The following FOXJ3 variants were observed in gnomAD, a reference collection of about 807,000 sequenced individuals.
The protein encoded by FOXJ3 is forkhead box protein J3.
A neutral mutation model predicts 76.1 loss-of-function variants in FOXJ3; 22 were observed. The ratio of observed to expected loss-of-function variants is 0.29; its 90% CI spans 0.21 to 0.41. The LOEUF (loss-of-function observed/expected upper bound fraction) is 0.41, where lower values mean the gene tolerates loss of function less well. Ranked by LOEUF, FOXJ3 falls within the 10% of genes least tolerant of loss-of-function variation. The probability of loss-of-function intolerance (pLI) is 1.00; values close to 1 mark genes in which losing one functional copy is unlikely to be tolerated. For missense variants in FOXJ3, 613 were observed against 762.1 expected (o/e 0.80, Z 2.30); for synonymous variants, 269 against 261.2 (o/e 1.03, Z -0.29).
intron 4 of FOXJ3, among the ~76,000 whole-genome samples, chr1:42,259,774 T>TA (rs2124609375): frequency 6.6e-6 from 1 of 152,328 alleles, no homozygotes; most frequent in Non-Finnish European, 1.5e-5. Context: ...GTACTTATAT[T>TA]AATTCCCTTA....
chr1:42,227,251 T>C (rs1647648757), intron 5 of FOXJ3, among the ~76,000 whole-genome samples: 1 of 152,236 alleles, frequency 6.6e-6, no homozygotes, highest in African/African-American at 2.4e-5. Flanking sequence ...TATGTGTTTG[T>C]ATGTTTTAGT....
intron 7 of FOXJ3, among the ~76,000 whole-genome samples, chr1:42,198,205 T>C (rs771518531): frequency 1.3e-5 from 2 of 152,214 alleles, no homozygotes. Context: ...TTTTACATAA[T>C]TTTTATTCCA....
chr1:42,188,740 T>C lies in FOXJ3; in HGVS notation c.1642A>G (p.Thr548Ala). ...HPTKPSQHIG[T>A]GNLYIDSRQN... Reference sequence around the variant, plus strand: ...AAGAAGATAACTAACCCCATACCTGTTCCAATGTGTTGGGAAGGTTTTGTT... The same window carrying C: ...AAGAAGATAACTAACCCCATACCTGCTCCAATGTGTTGGGAAGGTTTTGTT... Residue 548 changes from threonine to alanine, a missense_variant, in exon 11 of 13, where the codon ACA becomes GCA. This residue lies in a region of FOXJ3 where 526 missense variants were observed against 601.4 expected (regional missense o/e 0.87). Transcript: ENST00000361346. The C allele has an allele frequency of 3.2e-6, 5 of 1,583,102 alleles. No individual in the cohort carries two copies. The highest frequency in any genetic ancestry group is 4.3e-6 in the Non-Finnish European group (5 of 1,161,902).
chr1:42,196,369 G>A (rs922744754), intron 7 of FOXJ3, among the ~76,000 whole-genome samples: 1 of 152,134 alleles, frequency 6.6e-6, no homozygotes, highest in East Asian at 1.9e-4. Context: ...CTTAGGGACC[G>A]CTCGACCATT....
At chr1:42,203,244 T>C (rs1015585629) in intron 6 of FOXJ3, among the ~76,000 whole-genome samples, 4 of 152,254 alleles carry the variant, frequency 2.6e-5, no homozygotes, top group Non-Finnish European at 4.4e-5. Context: ...GTTATAGTTA[T>C]TTTGCAATCA....
intron 7 of FOXJ3, among the ~76,000 whole-genome samples, 200 bp from the exon 8 acceptor site, chr1:42,195,264 A>C (rs1325161438): frequency 6.6e-6 from 1 of 152,238 alleles, no homozygotes; most frequent in Non-Finnish European, 1.5e-5. Flanking sequence ...GAACTGTAGA[A>C]GTCTAACCCA....
chr1:42,209,511 C>G (rs1355691187), intron 5 of FOXJ3, among the ~76,000 whole-genome samples: 1 of 152,178 alleles, frequency 6.6e-6, no homozygotes, highest in Non-Finnish European at 1.5e-5. Flanking sequence ...GTCTCTAGAG[C>G]TTGAGTGGGA....
chr1:42,289,587 A>G (rs1653286309), intron 2 of FOXJ3, among the ~76,000 whole-genome samples: 1 of 152,222 alleles, frequency 6.6e-6, no homozygotes, highest in Non-Finnish European at 1.5e-5. Flanking sequence ...TGGATTTAAA[A>G]AGACAAAAAT....
At chr1:42,294,896 T>C (rs191396827) in intron 2 of FOXJ3, among the ~76,000 whole-genome samples, 3 of 152,080 alleles carry the variant, frequency 2.0e-5, no homozygotes, top group Admixed American at 1.3e-4. Flanking sequence ...GTAAGTACAA[T>C]GCCTAGGTTT....
upstream of FOXJ3, chr1:42,335,337 G>C (rs1445207479): frequency 1.3e-5 from 2 of 152,144 alleles, no homozygotes; most frequent in African/African-American, 2.4e-5. Flanking sequence ...GCGCGGTCAC[G>C]GTCGCTTCGA....
intron 3 of FOXJ3, among the ~76,000 whole-genome samples, chr1:42,269,743 C>T (rs1651734640): frequency 6.6e-6 from 1 of 152,130 alleles, no homozygotes; most frequent in South Asian, 2.1e-4. Context: ...TAAAAAACAT[C>T]CTTAACTCCT....
chr1:42,326,926 C>T (rs894081455), intron 1 of FOXJ3, among the ~76,000 whole-genome samples: 2 of 152,194 alleles, frequency 1.3e-5, no homozygotes, highest in South Asian at 2.1e-4. Flanking sequence ...GTTCCAGCAT[C>T]TGTTCCACCA....
intron 3 of FOXJ3, among the ~76,000 whole-genome samples, chr1:42,266,888 T>C (rs778507598): frequency 6.6e-6 from 1 of 152,068 alleles, no homozygotes; most frequent in African/African-American, 2.4e-5. Context: ...AACAAAACCC[T>C]GGTGCCTCTA....
chr1:42,333,284 A>G (rs1260062164), intron 1 of FOXJ3, among the ~76,000 whole-genome samples: 2 of 152,214 alleles, frequency 1.3e-5, no homozygotes, highest in Non-Finnish European at 2.9e-5. Context: ...AAGAATGTAC[A>G]ATGTGAAAAA....
At chr1:42,298,339 A>G (rs1294346290) in intron 2 of FOXJ3, among the ~76,000 whole-genome samples, 1 of 152,128 alleles carries the variant, frequency 6.6e-6, no homozygotes, top group Non-Finnish European at 1.5e-5. Flanking sequence ...TACTGATTGA[A>G]TTTTGTTACT....
At chr1:42,225,637 G>T (rs957063745) in intron 5 of FOXJ3, among the ~76,000 whole-genome samples, 1 of 152,084 alleles carries the variant, frequency 6.6e-6, no homozygotes, top group African/African-American at 2.4e-5. Context: ...GTAATCGAAA[G>T]GCCCTGGTAT....
intron 4 of FOXJ3, among the ~76,000 whole-genome samples, chr1:42,252,553 T>G (rs556548967): frequency 6.6e-6 from 1 of 152,100 alleles, no homozygotes; most frequent in East Asian, 1.9e-4. Flanking sequence ...ATCAATTTTG[T>G]TGATCCTTTC....
chr1:42,219,000 T>A (rs1329060711), intron 5 of FOXJ3, among the ~76,000 whole-genome samples: 1 of 152,160 alleles, frequency 6.6e-6, no homozygotes, highest in Non-Finnish European at 1.5e-5. Context: ...GCCAGAAAAA[T>A]TAATACATAT....
chr1:42,333,900 GCTTTTTCA>G (rs1656306733), intron 1 of FOXJ3, among the ~76,000 whole-genome samples: 1 of 152,142 alleles, frequency 6.6e-6, no homozygotes, highest in Admixed American at 6.6e-5. Flanking sequence ...ATGACATCAC[GCTTTTTCA>G]CTGGGAAACA....
Sources: gnomAD v4.1 joint callset for allele counts (sites outside exome capture counted in the v4.1 genomes callset) on GRCh38, gnomAD v4.1.1 for gene constraint, gnomAD v4.1.1 regional missense constraint, MANE v1.5 for transcripts, NCBI Gene and HGNC (gene_info 2026-07-23, HGNC 2026-07-21) for gene names.